ATXN1: variants seen among roughly 807,000 people sequenced by gnomAD.
ATXN1 encodes ataxin-1.
Under a neutral mutation model 56.4 loss-of-function variants are expected in ATXN1, and 8 were observed. The observed-to-expected ratio is 0.14, with a 90% CI of 0.08 to 0.26. The LOEUF (loss-of-function observed/expected upper bound fraction) is 0.26, where lower values mean the gene tolerates loss of function less well. ATXN1 is among the 10% of genes least tolerant of loss of function. The probability of loss-of-function intolerance (pLI) is 1.00; values close to 1 mark genes in which losing one functional copy is unlikely to be tolerated. For synonymous variants in ATXN1, 514 were observed against 494.6 expected (o/e 1.04, Z -0.52); for missense variants, 987 against 1,106.5 (o/e 0.89, Z 1.53).
intron 4 of ATXN1, among the ~76,000 whole-genome samples, chr6:16,571,515 A>C (rs1011567201): frequency 3.9e-5 from 6 of 152,130 alleles, no homozygotes; most frequent in African/African-American, 1.4e-4. Flanking sequence ...TTCTAGAGAC[A>C]GGGTCTCACT....
At chr6:16,324,465 A>T (rs1027227550) in intron 7 of ATXN1, among the ~76,000 whole-genome samples, 11 of 150,740 alleles carry the variant, frequency 7.3e-5, no homozygotes, top group Middle Eastern at 3.4e-3. Context: ...AAAAAAAAAA[A>T]TGCCCAAAAC....
intron 6 of ATXN1, among the ~76,000 whole-genome samples, chr6:16,412,535 C>T (rs191263047): frequency 3.9e-5 from 6 of 152,302 alleles, no homozygotes; most frequent in South Asian, 2.1e-4. Context: ...ATTCTATCCA[C>T]GGCAACAGCG....
At chr6:16,341,433 T>C (rs1024131158) in intron 6 of ATXN1, among the ~76,000 whole-genome samples, 4 of 152,080 alleles carry the variant, frequency 2.6e-5, no homozygotes, top group Admixed American at 1.3e-4. Flanking sequence ...TCCCTAGATG[T>C]TGGGACCACC....
chr6:16,761,139 T>C, intron 1 of ATXN1, 159 bp downstream of exon 1: 2 of 367,272 alleles, frequency 5.4e-6, no homozygotes, highest in Non-Finnish European at 1.1e-5. Context: ...CTTCCAGCTG[T>C]TTTCCGTGCA....
intron 4 of ATXN1, among the ~76,000 whole-genome samples, chr6:16,533,154 G>A (rs1761536760): frequency 6.6e-6 from 1 of 152,148 alleles, no homozygotes; most frequent in South Asian, 2.1e-4. Flanking sequence ...AATATAATGT[G>A]AATGTACTTA....
At position 16,328,972 on chromosome 6, in the gene ATXN1, GT is replaced by G. The variant is rs1434969492; in HGVS notation, c.-160-503del. On this transcript the variant is annotated intron_variant, in intron 6 of 7. Transcript: ENST00000436367. The surrounding 1 kb of genome is among the most constrained non-coding windows in gnomAD (Gnocchi z 6.2). ...AACAACAAAAACAAAAACACTAGCC[GT>G]GGCAGCTGCACATTATAAAGGAAGA... 6.6e-6 allele frequency among the ~76,000 whole-genome samples: 1 copy of G among 151,976 alleles called. No homozygotes were observed. The highest frequency in any genetic ancestry group is 1.5e-5 in the Non-Finnish European group (1 of 67,974).
chr6:16,330,027 G>A (rs895524295), intron 6 of ATXN1, among the ~76,000 whole-genome samples: 1 of 152,206 alleles, frequency 6.6e-6, no homozygotes, highest in African/African-American at 2.4e-5. Flanking sequence ...ACACCCTTGG[G>A]TTTTGGTATC....
chr6:16,355,011 C>T (rs1455206184), intron 6 of ATXN1, among the ~76,000 whole-genome samples: 2 of 152,204 alleles, frequency 1.3e-5, no homozygotes, highest in African/African-American at 4.8e-5. Flanking sequence ...TTCTGCATCA[C>T]ACTGTGCACA....
chr6:16,752,921 C>A, intron 2 of ATXN1: 1 of 237,602 alleles, frequency 4.2e-6, no homozygotes, highest in Non-Finnish European at 8.5e-6. Context: ...GCATAGCATT[C>A]TTAATTGTAT....
At chr6:16,456,642 A>G (rs374170905) in intron 6 of ATXN1, among the ~76,000 whole-genome samples, 1 of 152,210 alleles carries the variant, frequency 6.6e-6, no homozygotes, top group East Asian at 1.9e-4. Flanking sequence ...CATCTATCCT[A>G]TCTATCCTGA....
intron 4 of ATXN1, among the ~76,000 whole-genome samples, chr6:16,529,335 C>T (rs763538797): frequency 2.6e-5 from 4 of 151,470 alleles, no homozygotes; most frequent in African/African-American, 9.7e-5. Context: ...GGCAGCACAG[C>T]GGGACCAAAG....
intron 7 of ATXN1, among the ~76,000 whole-genome samples, chr6:16,312,854 A>G (rs778435258): frequency 1.3e-5 from 2 of 152,058 alleles, no homozygotes; most frequent in Non-Finnish European, 2.9e-5. Context: ...CAACCAGCCT[A>G]AAAAATTGGA....
intron 5 of ATXN1, among the ~76,000 whole-genome samples, chr6:16,503,321 C>T (rs1219208775): frequency 6.6e-6 from 1 of 152,164 alleles, no homozygotes; most frequent in East Asian, 1.9e-4. Flanking sequence ...GTCTGTACTC[C>T]TTAACATGGC....
At chr6:16,432,699 C>CTCT (rs541524474) in intron 6 of ATXN1, 1 of 151,282 alleles carries the variant, frequency 6.6e-6, no homozygotes, top group Non-Finnish European at 1.5e-5. Flanking sequence ...TTCTTTTCTT[C>CTCT]TCTTCTTCTT....
In ATXN1 at chr6:16,327,329, T is replaced by C; in HGVS notation, c.982A>G (p.Met328Val). 6.2e-7 allele frequency: 1 copy of C among 1,613,204 alleles called. No individual in the cohort carries two copies. The highest frequency in any genetic ancestry group is 8.5e-7 in the Non-Finnish European group (1 of 1,179,986). ...IQAKEVLNGE[M>V]EKSRRYGAPS... ...GCCCCGTACCGCCGGCTCTTCTCCA[T>C]CTCACCGTTCAGGACCTCCTTGGCC... is the stretch of plus-strand genomic sequence containing the variant. Residue 328 changes from methionine (M) to valine (V), a missense_variant, in exon 7 of 8, where the codon ATG (methionine) becomes GTG (valine). Transcript: ENST00000436367.
At chr6:16,534,645 A>G (rs1009304050) in intron 4 of ATXN1, among the ~76,000 whole-genome samples, 2 of 152,048 alleles carry the variant, frequency 1.3e-5, no homozygotes, top group Admixed American at 6.6e-5. Flanking sequence ...GCTCCACTAC[A>G]CCACTGGTCC....
At chr6:16,544,972 C>A (rs1761787861) in intron 4 of ATXN1, among the ~76,000 whole-genome samples, 1 of 152,130 alleles carries the variant, frequency 6.6e-6, no homozygotes, top group Non-Finnish European at 1.5e-5. Flanking sequence ...CACAGCCAGG[C>A]TTCCAGGGTT....
chr6:16,760,162 G>A lies in ATXN1; in HGVS notation c.-730+1136C>T, dbSNP rs1034350415. Among the ~76,000 whole-genome samples the A allele has an allele frequency of 3.9e-5, 6 of 151,934 alleles. No individual in the cohort carries two copies. Among genetic ancestry groups the A allele is most frequent in the African/African-American group, 1.2e-4 (5 of 41,378 alleles). The stretch of plus-strand genomic sequence containing the variant: ...GGCGGCGGCGCCCCCGGGAGTGGCA[G>A]AGTCTCCGGCCCGGCCCAGAGTGAA... On this transcript the variant is annotated intron_variant, in intron 1 of 7. Coordinates refer to ENST00000436367, the MANE Select transcript of ATXN1 (RefSeq NM_001128164.2). The surrounding 1 kb of genome is among the most constrained non-coding windows in gnomAD (Gnocchi z 5.3).
intron 2 of ATXN1, among the ~76,000 whole-genome samples, chr6:16,723,885 T>G (rs1291037119): frequency 6.6e-6 from 1 of 152,168 alleles, no homozygotes; most frequent in Non-Finnish European, 1.5e-5. Flanking sequence ...ATCATGCAAT[T>G]TTAAATTCAT....
Sources: gnomAD v4.1 joint callset for allele counts (sites outside exome capture counted in the v4.1 genomes callset) on GRCh38, gnomAD v4.1.1 for gene constraint, Gnocchi (gnomAD v3.1) non-coding constraint, MANE v1.5 for transcripts, NCBI Gene and HGNC (gene_info 2026-07-23, HGNC 2026-07-21) for gene names.